MPP7: variants seen among roughly 807,000 people sequenced by gnomAD.
The protein encoded by MPP7 is MAGUK p55 scaffold protein 7.
Under a neutral mutation model 76.5 loss-of-function variants are expected in MPP7, and 60 were observed. That is an observed-to-expected ratio of 0.78 (90% CI 0.64 to 0.97). The LOEUF (loss-of-function observed/expected upper bound fraction) is 0.97, where lower values mean the gene tolerates loss of function less well. MPP7 is among the 50% of genes least tolerant of loss of function. MPP7 has a pLI of 0.00. For missense variants in MPP7, 641 were observed against 694.0 expected (o/e 0.92, Z 0.86); for synonymous variants, 237 against 244.5 (o/e 0.97, Z 0.29).
At chr10:28,218,241 T>C (rs1838379506) in intron 2 of MPP7, among the ~76,000 whole-genome samples, 1 of 151,648 alleles carries the variant, frequency 6.6e-6, no homozygotes, top group African/African-American at 2.4e-5. Context: ...GAGTCGGGGG[T>C]AGGGCAGCGG....
At chr10:28,232,963 G>C (rs1407506449) in intron 2 of MPP7, among the ~76,000 whole-genome samples, 1 of 152,096 alleles carries the variant, frequency 6.6e-6, no homozygotes, top group Non-Finnish European at 1.5e-5. Context: ...ATTATATGAT[G>C]CTTGTAAAAA....
intron 3 of MPP7, among the ~76,000 whole-genome samples, chr10:28,166,120 C>T (rs934975642): frequency 6.6e-6 from 1 of 151,224 alleles, no homozygotes; most frequent in African/African-American, 2.4e-5. Context: ...TCCTGATGTA[C>T]CTTAACTACA....
At chr10:28,226,968 A>G (rs534760754) in intron 2 of MPP7, among the ~76,000 whole-genome samples, 1 of 152,328 alleles carries the variant, frequency 6.6e-6, no homozygotes, top group South Asian at 2.1e-4. Flanking sequence ...ATTTTACCTT[A>G]CCATTAAAGG....
At chr10:28,142,248 G>C (rs1304562176) in intron 5 of MPP7, among the ~76,000 whole-genome samples, 1 of 152,058 alleles carries the variant, frequency 6.6e-6, no homozygotes, top group Non-Finnish European at 1.5e-5. Flanking sequence ...AATAACTAAG[G>C]AGAAATCTAT....
chr10:28,303,869 C>T (rs1841223607), upstream of MPP7, among the ~76,000 whole-genome samples: 1 of 152,208 alleles, frequency 6.6e-6, no homozygotes, highest in Non-Finnish European at 1.5e-5. Context: ...GAGGTGCCCC[C>T]ATACTCCTTC....
At chr10:28,223,569 T>C (rs1028171651) in intron 2 of MPP7, among the ~76,000 whole-genome samples, 3 of 152,196 alleles carry the variant, frequency 2.0e-5, no homozygotes, top group Non-Finnish European at 4.4e-5. Flanking sequence ...CATTTGCTTA[T>C]TGCCATTTGT....
intron 4 of MPP7, among the ~76,000 whole-genome samples, chr10:28,149,351 G>A (rs754966694): frequency 9.9e-5 from 15 of 152,142 alleles, no homozygotes; most frequent in Admixed American, 2.0e-4. Flanking sequence ...ATCCGAGTCC[G>A]AAAGTTAACA....
chr10:28,314,963 C>A (rs1423591615), intron 2 of MPP7, among the ~76,000 whole-genome samples: 1 of 152,042 alleles, frequency 6.6e-6, no homozygotes, highest in African/African-American at 2.4e-5. Flanking sequence ...CCCTGAGCAA[C>A]ATAGCAAGAC....
chr10:28,220,709 C>A (rs1838473501), intron 2 of MPP7, among the ~76,000 whole-genome samples: 2 of 152,092 alleles, frequency 1.3e-5, no homozygotes, highest in South Asian at 4.1e-4. Context: ...CAGAAAGTGG[C>A]CTATTTGGTT....
intron 1 of MPP7, among the ~76,000 whole-genome samples, chr10:28,261,262 C>A (rs1405988460): frequency 2.0e-5 from 3 of 152,192 alleles, no homozygotes; most frequent in African/African-American, 7.2e-5. Flanking sequence ...AACACTGAAC[C>A]ATGACTTAAC....
intron 13 of MPP7, among the ~76,000 whole-genome samples, chr10:28,061,634 G>A (rs188159896): frequency 3.0e-4 from 46 of 152,100 alleles, no homozygotes; most frequent in Middle Eastern, 3.4e-3. Flanking sequence ...AGAAATAAAG[G>A]CCCCAAACTT....
At chr10:28,281,899 T>C (rs1840684664) in intron 1 of MPP7, 1 of 152,042 alleles carries the variant, frequency 6.6e-6, no homozygotes, top group South Asian at 2.1e-4. Flanking sequence ...CGTTTTCAGT[T>C]GCATGCCGAG....
intron 1 of MPP7, among the ~76,000 whole-genome samples, chr10:28,245,283 C>T (rs536358480): frequency 6.6e-6 from 1 of 152,110 alleles, no homozygotes; most frequent in Non-Finnish European, 1.5e-5. Context: ...TCCTCTCTAC[C>T]GCAGAAACCA....
At chr10:28,088,939 G>A (rs1043815050) in intron 12 of MPP7, among the ~76,000 whole-genome samples, 1 of 152,086 alleles carries the variant, frequency 6.6e-6, no homozygotes, top group African/African-American at 2.4e-5. Context: ...GCAGTGGCGC[G>A]ATCTTGGCTC....
At chr10:28,148,149 T>C (rs1255512426) in intron 4 of MPP7, among the ~76,000 whole-genome samples, 5 of 152,134 alleles carry the variant, frequency 3.3e-5, no homozygotes, top group Admixed American at 1.3e-4. Context: ...AATTGTAAAA[T>C]GAGCTATAAT....
Position 28,179,820 on chromosome 10 carries a change from G to A in MPP7, c.156+22333C>T, listed in dbSNP as rs955404089. 1.1e-4 allele frequency among the ~76,000 whole-genome samples: 17 copies of A among 152,210 alleles called. 2 individuals are homozygous for A. In the South Asian group the frequency reaches 3.5e-3, roughly 32 times the overall value. On this transcript the variant is annotated intron_variant, in intron 3 of 16. Coordinates refer to ENST00000683449, the MANE Select transcript of MPP7 (RefSeq NM_001318170.2). ...CAAAGATACATGCCAACTTTGTCAA[G>A]TAATGAAAATCAAATTTTTACCATC...
At chr10:28,222,866 C>T (rs1206349656) in intron 2 of MPP7, among the ~76,000 whole-genome samples, 1 of 131,440 alleles carries the variant, frequency 7.6e-6, no homozygotes, top group Non-Finnish European at 1.6e-5. Flanking sequence ...AAAAAAAAAA[C>T]CTAGTGATTT....
intron 2 of MPP7, among the ~76,000 whole-genome samples, chr10:28,211,125 G>A (rs1293522017): frequency 1.3e-5 from 2 of 151,548 alleles, no homozygotes; most frequent in African/African-American, 2.4e-5. Flanking sequence ...TTTAGATGAG[G>A]TCTCACTCTG....
At chr10:28,296,558 A>C (rs534498346) in intron 1 of MPP7, among the ~76,000 whole-genome samples, 119 of 152,308 alleles carry the variant, frequency 7.8e-4, no homozygotes, top group South Asian at 1.2e-3. Flanking sequence ...CTATACCCAA[A>C]ATGGATATCG....
Sources: allele counts gnomAD v4.1 joint callset (sites outside exome capture counted in the v4.1 genomes callset), GRCh38; gene constraint gnomAD v4.1.1; transcripts MANE v1.5; gene names NCBI Gene and HGNC (gene_info 2026-07-23, HGNC 2026-07-21).